The following RBFOX1 variants were observed in gnomAD, a reference collection of about 807,000 sequenced individuals.
The protein encoded by RBFOX1 is RNA binding protein fox-1 homolog 1.
Under a neutral mutation model 57.7 loss-of-function variants are expected in RBFOX1, and 8 were observed. That is an observed-to-expected ratio of 0.14 (90% CI 0.08 to 0.25). RBFOX1 has a LOEUF of 0.25. RBFOX1 is among the 10% of genes least tolerant of loss of function. The probability of loss-of-function intolerance (pLI) is 1.00; values close to 1 mark genes in which losing one functional copy is unlikely to be tolerated. For missense variants in RBFOX1, 611 were observed against 548.5 expected (o/e 1.11, Z -1.14); for synonymous variants, 326 against 222.4 (o/e 1.47, Z -4.15).
chr16:5,338,045 A>G (rs1486052968), intron 1 of RBFOX1, among the ~76,000 whole-genome samples: 1 of 152,180 alleles, frequency 6.6e-6, no homozygotes, highest in Admixed American at 6.5e-5. Context: ...CCTTGTCTCT[A>G]AAAAGAAAAA....
Position 5,993,037 on chromosome 16 carries a change from A to G in RBFOX1, c.351+125702A>G, listed in dbSNP as rs113625864. ...TCCAGGCTGGGGGACCCTGGGCTTGAGCCTGATCTTTCTCTATGCTTACCC... is the reference window on the plus strand; with the variant it reads ...TCCAGGCTGGGGGACCCTGGGCTTGGGCCTGATCTTTCTCTATGCTTACCC... On this transcript the variant is annotated intron_variant, in intron 4 of 19. Transcript: ENST00000641259. Among the ~76,000 whole-genome samples the G allele has an allele frequency of 1.1e-3, 168 of 152,308 alleles. 1 individual carries two copies. The highest frequency in any genetic ancestry group is 4.0e-3 in the African/African-American group (167 of 41,588).
intron 4 of RBFOX1, among the ~76,000 whole-genome samples, chr16:7,418,450 C>T (rs896115164): frequency 1.3e-5 from 2 of 152,148 alleles, no homozygotes; most frequent in South Asian, 2.1e-4. Context: ...CCCTTTAGGG[C>T]GTGAGCCAGG....
intron 14 of RBFOX1, chr16:7,693,352 T>G: frequency 6.2e-7 from 1 of 1,613,246 alleles, no homozygotes; most frequent in Non-Finnish European, 8.5e-7. Flanking sequence ...TGAAATTTCT[T>G]GTAACACCTC....
chr16:6,632,798 G>C (rs1251513383), intron 2 of RBFOX1, among the ~76,000 whole-genome samples: 1 of 152,142 alleles, frequency 6.6e-6, no homozygotes, highest in East Asian at 1.9e-4. Flanking sequence ...ATCAGCCTTG[G>C]CTCTTCTTTT....
intron 3 of RBFOX1, among the ~76,000 whole-genome samples, chr16:6,713,671 C>T (rs887782300): frequency 6.6e-6 from 1 of 152,210 alleles, no homozygotes; most frequent in Non-Finnish European, 1.5e-5. Flanking sequence ...GTTGCCCAAA[C>T]ATCCCCTGTC....
In RBFOX1 at chr16:5,856,595, A is replaced by G. The variant is rs1203549897; in HGVS notation, c.319-10708A>G. Among the ~76,000 whole-genome samples, 2 of 95,982 alleles carry G rather than the reference A, an allele frequency of 2.1e-5. 1 individual carries two copies. Among genetic ancestry groups the G allele is most frequent in the African/African-American group, 7.4e-5 (2 of 27,146 alleles). 63.0% of individuals were successfully genotyped at this position (95,982 alleles called of 152,430 possible). On this transcript the variant is annotated intron_variant, in intron 3 of 19. Transcript: ENST00000641259. ...TGTGTGTATATATATATATATATATATATATATATAATCTTAGCCAGATCT... is the reference window on the plus strand; with the variant it reads ...TGTGTGTATATATATATATATATATGTATATATATAATCTTAGCCAGATCT...
chr16:5,480,307 G>T (rs1288044332), intron 2 of RBFOX1, among the ~76,000 whole-genome samples: 2 of 151,776 alleles, frequency 1.3e-5, no homozygotes, highest in African/African-American at 4.8e-5. Context: ...AAGAGGATGA[G>T]ATAAAAGCAC....
Position 7,607,355 on chromosome 16 carries a change from T to G in RBFOX1, c.676+17T>G, listed in dbSNP as rs1472716040. Reference sequence around the variant, plus strand: ...TCTATGCAGGTACAGAGTTTCTCTTTGCACGAAGTCTTCTCAGTCTTTTCT... The same window carrying G: ...TCTATGCAGGTACAGAGTTTCTCTTGGCACGAAGTCTTCTCAGTCTTTTCT... On this transcript the variant is annotated intron_variant, in intron 10 of 15. Coordinates refer to ENST00000550418, the MANE Select transcript of RBFOX1 (RefSeq NM_018723.4). 1.9e-6 allele frequency: 3 copies of G among 1,606,354 alleles called. No individual in the cohort carries two copies. In the East Asian group the frequency reaches 6.7e-5, roughly 36 times the overall value.
At chr16:7,212,364 G>T (rs1026115585) in intron 4 of RBFOX1, among the ~76,000 whole-genome samples, 2 of 152,144 alleles carry the variant, frequency 1.3e-5, no homozygotes, top group African/African-American at 4.8e-5. Flanking sequence ...TAGCCGCGTT[G>T]ACCCTAGCGC....
At chr16:5,868,982 T>C (rs1329581918) in intron 4 of RBFOX1, among the ~76,000 whole-genome samples, 4 of 152,180 alleles carry the variant, frequency 2.6e-5, no homozygotes, top group Non-Finnish European at 5.9e-5. Context: ...TAAAAAAATT[T>C]TGTGATGTAT....
At chr16:5,249,940 G>A (rs1315860176) in intron 1 of RBFOX1, among the ~76,000 whole-genome samples, 2 of 151,704 alleles carry the variant, frequency 1.3e-5, no homozygotes, top group African/African-American at 4.9e-5. Context: ...TTGCAGTGAG[G>A]AGGAGGTTAC....
At chr16:6,857,020 C>G (rs1873704) in intron 3 of RBFOX1, among the ~76,000 whole-genome samples, 118,562 of 152,058 alleles carry the variant, frequency 0.78, 47,231 homozygotes, top group African/African-American at 0.94. Flanking sequence ...TGGAGTTTTT[C>G]AATGGCTTAC....
At chr16:6,011,504 G>A (rs941945035) in intron 4 of RBFOX1, among the ~76,000 whole-genome samples, 2 of 152,126 alleles carry the variant, frequency 1.3e-5, no homozygotes, top group Non-Finnish European at 2.9e-5. Flanking sequence ...ATTTTCCTCT[G>A]AGCCTCAGTT....
chr16:7,201,450 TTC>T (rs1043520978), intron 4 of RBFOX1, among the ~76,000 whole-genome samples: 3 of 106,162 alleles, frequency 2.8e-5, no homozygotes, highest in African/African-American at 9.3e-5. Context: ...CACGATCTGA[TTC>T]TTTTTTTTTT....
chr16:5,378,971 T>C (rs1387130829), intron 1 of RBFOX1, among the ~76,000 whole-genome samples: 1 of 151,670 alleles, frequency 6.6e-6, no homozygotes. Context: ...CAATAATCTT[T>C]CCATTAAGAA....
intron 3 of RBFOX1, among the ~76,000 whole-genome samples, chr16:5,846,181 TAAA>T (rs60988421): frequency 7.6e-6 from 1 of 132,374 alleles, no homozygotes. Flanking sequence ...GGCACTGTCT[TAAA>T]AAAAAAAAAA....
chr16:6,673,939 G>C (rs1308685266), intron 3 of RBFOX1, among the ~76,000 whole-genome samples: 1 of 152,192 alleles, frequency 6.6e-6, no homozygotes, highest in Non-Finnish European at 1.5e-5. Flanking sequence ...AGGTGGAATG[G>C]ATCTGCACAC....
intron 2 of RBFOX1, among the ~76,000 whole-genome samples, chr16:5,531,691 CA>C (rs2044483839): frequency 6.6e-6 from 1 of 152,090 alleles, no homozygotes; most frequent in Admixed American, 6.6e-5. Flanking sequence ...TTAAGGTACT[CA>C]AAGCAGTGCC....
intron 2 of RBFOX1, among the ~76,000 whole-genome samples, chr16:6,608,844 A>G (rs1442663922): frequency 6.6e-6 from 1 of 152,246 alleles, no homozygotes; most frequent in African/African-American, 2.4e-5. Context: ...GTCTCACTGG[A>G]CTAAAATCAT....
Sources: gnomAD v4.1 joint callset for allele counts (sites outside exome capture counted in the v4.1 genomes callset) on GRCh38, gnomAD v4.1.1 for gene constraint, MANE v1.5 for transcripts, NCBI Gene and HGNC (gene_info 2026-07-23, HGNC 2026-07-21) for gene names.